The following CNTNAP2 variants were observed in gnomAD, a reference collection of about 807,000 sequenced individuals.
CNTNAP2 encodes contactin-associated protein-like 2.
CNTNAP2 carries 98 observed loss-of-function variants against 155.2 expected under a neutral mutation model. That is an observed-to-expected ratio of 0.63 (90% CI 0.54 to 0.75). The LOEUF is 0.75. CNTNAP2 is among the 30% of genes least tolerant of loss of function. The pLI, the probability that CNTNAP2 is intolerant of heterozygous loss-of-function variation, is 0.00. For synonymous variants in CNTNAP2, 651 were observed against 631.2 expected (o/e 1.03, Z -0.47); for missense variants, 1,727 against 1,688.1 (o/e 1.02, Z -0.40).
At chr7:146,263,679 C>T (rs1014943724) in intron 1 of CNTNAP2, among the ~76,000 whole-genome samples, 4 of 152,018 alleles carry the variant, frequency 2.6e-5, no homozygotes, top group Non-Finnish European at 4.4e-5. Context: ...AAGTAGAGAA[C>T]GGAAAATCTG....
rs1292395368 is a variant in CNTNAP2 at position 146,358,235 on chromosome 7, C to T, written c.97+241262C>T. Among the ~76,000 whole-genome samples, 7 of 151,954 alleles carry T rather than the reference C, an allele frequency of 4.6e-5. No individual in the cohort carries two copies. The East Asian group carries it at 9.7e-4, about 21-fold the overall frequency. ...ATTTTTAGTAGAGACGGGGTTTCCC[C>T]GTGTTAGCCAGGATGGTCTCGATCT... On this transcript the variant is annotated intron_variant, in intron 1 of 23. Coordinates refer to ENST00000361727, the MANE Select transcript of CNTNAP2 (RefSeq NM_014141.6).
At chr7:147,227,401 G>T (rs1203813090) in intron 8 of CNTNAP2, among the ~76,000 whole-genome samples, 1 of 152,128 alleles carries the variant, frequency 6.6e-6, no homozygotes, top group Non-Finnish European at 1.5e-5. Flanking sequence ...GAAGTGAAAT[G>T]ATCTGACTTG....
intron 1 of CNTNAP2, among the ~76,000 whole-genome samples, chr7:146,280,018 T>A (rs953136111): frequency 3.9e-5 from 6 of 152,136 alleles, no homozygotes; most frequent in Admixed American, 3.9e-4. Flanking sequence ...TTAAACTAGA[T>A]TGAAGTAACT....
At chr7:146,942,199 C>T (rs1207887849) in intron 3 of CNTNAP2, among the ~76,000 whole-genome samples, 1 of 151,952 alleles carries the variant, frequency 6.6e-6, no homozygotes, top group African/African-American at 2.4e-5. Flanking sequence ...AAAATACCTT[C>T]AAAATTCTAT....
intron 8 of CNTNAP2, among the ~76,000 whole-genome samples, chr7:147,174,831 C>T (rs1266649021): frequency 2.6e-5 from 4 of 151,944 alleles, no homozygotes; most frequent in Admixed American, 1.3e-4. Flanking sequence ...TGCTGTAAAC[C>T]TTTGGAGTAC....
intron 11 of CNTNAP2, among the ~76,000 whole-genome samples, chr7:147,557,179 G>T (rs1041454443): frequency 2.6e-5 from 4 of 151,886 alleles, no homozygotes; most frequent in South Asian, 2.1e-4. Flanking sequence ...CAAGAGGATC[G>T]CTTGAACCCG....
chr7:146,857,086 C>T (rs1795004708), intron 3 of CNTNAP2, among the ~76,000 whole-genome samples: 2 of 152,092 alleles, frequency 1.3e-5, no homozygotes, highest in African/African-American at 4.8e-5. Context: ...TACTTACCTA[C>T]ATATGTCCTT....
At chr7:146,177,893 A>G (rs1798492257) in intron 1 of CNTNAP2, among the ~76,000 whole-genome samples, 1 of 152,138 alleles carries the variant, frequency 6.6e-6, no homozygotes, top group Non-Finnish European at 1.5e-5. Flanking sequence ...GAAGCCTCCA[A>G]TTTTAGAACT....
intron 1 of CNTNAP2, among the ~76,000 whole-genome samples, chr7:146,757,268 T>C (rs1802010291): frequency 6.6e-6 from 1 of 152,128 alleles, no homozygotes; most frequent in Non-Finnish European, 1.5e-5. Flanking sequence ...TGTCATTATC[T>C]ATTACTTTGA....
intron 13 of CNTNAP2, among the ~76,000 whole-genome samples, chr7:147,877,299 G>T (rs1322233255): frequency 6.6e-6 from 1 of 152,036 alleles, no homozygotes; most frequent in East Asian, 1.9e-4. Flanking sequence ...TTCTTTCTCA[G>T]GTCTCAGAGT....
chr7:147,454,165 T>C (rs1233442427), intron 10 of CNTNAP2, among the ~76,000 whole-genome samples: 1 of 152,226 alleles, frequency 6.6e-6, no homozygotes, highest in East Asian at 1.9e-4. Context: ...AAGCACTGAC[T>C]CTCTGTTTAA....
intron 21 of CNTNAP2, among the ~76,000 whole-genome samples, chr7:148,305,539 GT>G (rs963439454): frequency 4.6e-5 from 7 of 152,176 alleles, no homozygotes; most frequent in Non-Finnish European, 8.8e-5. Context: ...AAGAAAAGAG[GT>G]TTAATTGACT....
At chr7:146,847,454 A>G (rs973869293) in intron 3 of CNTNAP2, among the ~76,000 whole-genome samples, 2 of 152,262 alleles carry the variant, frequency 1.3e-5, no homozygotes, top group East Asian at 1.9e-4. Context: ...AAATGGGTCT[A>G]GTCACTTACC....
chr7:147,449,842 C>CT (rs1197937717), intron 10 of CNTNAP2, among the ~76,000 whole-genome samples: 3 of 152,156 alleles, frequency 2.0e-5, no homozygotes, highest in African/African-American at 4.8e-5. Flanking sequence ...ACATTCTCTG[C>CT]TTTTTTCTCC....
intron 8 of CNTNAP2, among the ~76,000 whole-genome samples, chr7:147,184,171 T>A (rs1802519828): frequency 1.3e-5 from 2 of 152,154 alleles, no homozygotes; most frequent in South Asian, 4.1e-4. Context: ...ATTCTTCACC[T>A]GAAATACAAA....
intron 8 of CNTNAP2, among the ~76,000 whole-genome samples, chr7:147,206,525 T>C (rs1803027448): frequency 6.6e-6 from 1 of 152,132 alleles, no homozygotes; most frequent in South Asian, 2.1e-4. Flanking sequence ...ATCGTGACAC[T>C]GCACTCCAGC....
At chr7:147,649,939 A>T (rs1226491023) in intron 13 of CNTNAP2, among the ~76,000 whole-genome samples, 1 of 152,054 alleles carries the variant, frequency 6.6e-6, no homozygotes, top group Non-Finnish European at 1.5e-5. Context: ...GAAAATTTTT[A>T]AAAAGTACTG....
intron 14 of CNTNAP2, among the ~76,000 whole-genome samples, chr7:147,959,906 T>C (rs1302119067): frequency 1.3e-5 from 2 of 152,172 alleles, no homozygotes. Flanking sequence ...AGTTTTTTGT[T>C]GCCCCCTTAC....
intron 2 of CNTNAP2, among the ~76,000 whole-genome samples, chr7:146,834,485 T>G (rs1803578209): frequency 6.8e-6 from 1 of 147,284 alleles, no homozygotes. Context: ...AAGAGAAGAG[T>G]GAGGAAGGAA....
Sources: gnomAD v4.1 joint callset for allele counts (sites outside exome capture counted in the v4.1 genomes callset) on GRCh38, gnomAD v4.1.1 for gene constraint, MANE v1.5 for transcripts, NCBI Gene and HGNC (gene_info 2026-07-23, HGNC 2026-07-21) for gene names.